CYTH3: variants seen among roughly 807,000 people sequenced by gnomAD.
CYTH3 encodes the protein cytohesin 3.
Under a neutral mutation model 55.1 loss-of-function variants are expected in CYTH3, and 23 were observed. The ratio of observed to expected loss-of-function variants is 0.42; its 90% CI spans 0.30 to 0.59. The LOEUF (loss-of-function observed/expected upper bound fraction) is 0.59, where lower values mean the gene tolerates loss of function less well. Among genes scored for constraint, CYTH3 ranks in the 20% least tolerant of loss-of-function variants. The probability of loss-of-function intolerance (pLI) is 0.20; values close to 1 mark genes in which losing one functional copy is unlikely to be tolerated. For synonymous variants in CYTH3, 249 were observed against 194.9 expected (o/e 1.28, Z -2.31); for missense variants, 413 against 524.8 (o/e 0.79, Z 2.08).
At chr7:6,221,702 G>C (rs367686038) in intron 1 of CYTH3, among the ~76,000 whole-genome samples, 1 of 118,526 alleles carries the variant, frequency 8.4e-6, no homozygotes, top group South Asian at 2.5e-4. Flanking sequence ...TCAAAATGAA[G>C]TTAAAAAAAA....
chr7:6,211,302 G>A (rs112629346), intron 1 of CYTH3, among the ~76,000 whole-genome samples: 2,281 of 152,330 alleles, frequency 0.015, 23 homozygotes, highest in Admixed American at 0.052. Flanking sequence ...CATGGCTGTT[G>A]TATTTCTTTC....
chr7:6,200,357 C>T lies in CYTH3; in HGVS notation c.35-9826G>A, dbSNP rs1418603647. The stretch of plus-strand genomic sequence containing the variant: ...TTCACTCGCAGTCCTATGACTTCTC[C>T]TGGAGAAAGATGGAGTTTCACAGTT... On this transcript the variant is annotated intron_variant, in intron 1 of 12. Transcript: ENST00000350796. Among the ~76,000 whole-genome samples the T allele has an allele frequency of 5.9e-5, 9 of 152,130 alleles. No homozygotes were observed. In the East Asian group the frequency reaches 1.7e-3, roughly 29 times the overall value.
At chr7:6,217,878 G>C (rs1474178325) in intron 1 of CYTH3, among the ~76,000 whole-genome samples, 2 of 151,796 alleles carry the variant, frequency 1.3e-5, no homozygotes, top group Admixed American at 6.6e-5. Flanking sequence ...AAGAATTTTA[G>C]ATTAAAAAAA....
chr7:6,245,847 T>C (rs1270091242), intron 1 of CYTH3, among the ~76,000 whole-genome samples: 1 of 152,194 alleles, frequency 6.6e-6, no homozygotes, highest in Non-Finnish European at 1.5e-5. Context: ...AAGGTTGCAA[T>C]GAGCCGAGAT....
At chr7:6,220,278 T>C (rs565746990) in intron 1 of CYTH3, among the ~76,000 whole-genome samples, 1 of 152,264 alleles carries the variant, frequency 6.6e-6, no homozygotes, top group East Asian at 1.9e-4. Context: ...GCTGCAGCAA[T>C]TGGCTATTCA....
At chr7:6,245,056 TGATCCACCCGCCCCGGCCTTCCAAA>T (rs1463028040) in intron 1 of CYTH3, among the ~76,000 whole-genome samples, 2 of 138,858 alleles carry the variant, frequency 1.4e-5, no homozygotes, top group Non-Finnish European at 3.0e-5. Context: ...CCTGACCTCA[TGATCCACCCGCCCCGGCCTTCCAAA>T]GTGCTGGGAT....
chr7:6,205,819 A>T (rs1353274649), intron 1 of CYTH3, among the ~76,000 whole-genome samples: 1 of 133,696 alleles, frequency 7.5e-6, no homozygotes, highest in Non-Finnish European at 1.6e-5. Flanking sequence ...GGCTGCAGTG[A>T]GCTATGATCG....
chr7:6,183,080 A>C (rs1295546223), intron 4 of CYTH3, among the ~76,000 whole-genome samples: 1 of 152,218 alleles, frequency 6.6e-6, no homozygotes, highest in Non-Finnish European at 1.5e-5. Flanking sequence ...GCTGCCACCC[A>C]CCGAGGACGC....
chr7:6,165,239 A>G (rs759949684), intron 12 of CYTH3, 34 bp downstream of exon 12: 1 of 1,589,296 alleles, frequency 6.3e-7, no homozygotes, highest in Admixed American at 1.8e-5. Flanking sequence ...GCACGAGAAG[A>G]CGGGCCTGGC....
At chr7:6,251,333 T>C (rs1382821006) in intron 1 of CYTH3, among the ~76,000 whole-genome samples, 1 of 151,720 alleles carries the variant, frequency 6.6e-6, no homozygotes, top group Non-Finnish European at 1.5e-5. Flanking sequence ...CTATTCTTTT[T>C]TTTTTTTTTC....
At position 6,171,337 on chromosome 7, in the gene CYTH3, G is replaced by T. The variant is rs1288401074; in HGVS notation, c.450-23C>A. ...TGCCTGTGGAGACACCAAAGCCATG[G>T]GAAGCCGCATCAGAACCAACACCGC... On this transcript the variant is annotated intron_variant, in intron 6 of 12. Transcript: ENST00000350796. The surrounding 1 kb of genome is among the most constrained non-coding windows in gnomAD (Gnocchi z 6.7). 1 of 1,611,662 alleles carries T rather than the reference G, an allele frequency of 6.2e-7. No individual in the cohort carries two copies.
chr7:6,231,026 C>A (rs958483232), intron 1 of CYTH3, among the ~76,000 whole-genome samples: 4 of 152,186 alleles, frequency 2.6e-5, no homozygotes, highest in South Asian at 2.1e-4. Flanking sequence ...CACAGTCACC[C>A]CAGCCACTCG....
chr7:6,232,479 C>G (rs1199477075), intron 1 of CYTH3, among the ~76,000 whole-genome samples: 2 of 152,202 alleles, frequency 1.3e-5, no homozygotes, highest in African/African-American at 4.8e-5. Context: ...CACTTGCCAT[C>G]ACAGAAGCAA....
chr7:6,269,734 T>C (rs1157248975), intron 1 of CYTH3, among the ~76,000 whole-genome samples: 3 of 152,226 alleles, frequency 2.0e-5, no homozygotes, highest in African/African-American at 7.2e-5. Flanking sequence ...TGTAACTGCC[T>C]TCCAGCCATT....
intron 1 of CYTH3, among the ~76,000 whole-genome samples, chr7:6,264,208 T>C (rs185139853): frequency 2.7e-5 from 4 of 149,956 alleles, no homozygotes; most frequent in African/African-American, 4.9e-5. Context: ...GATGGCTCCA[T>C]TGCACTCCAG....
intron 1 of CYTH3, among the ~76,000 whole-genome samples, chr7:6,233,270 ACT>A (rs751824776): frequency 2.1e-4 from 32 of 152,316 alleles, no homozygotes; most frequent in Non-Finnish European, 4.1e-4. Context: ...TCCTCTACAC[ACT>A]GTTTCTCCTA....
At chr7:6,259,131 G>C (rs1451034533) in intron 1 of CYTH3, among the ~76,000 whole-genome samples, 2 of 152,146 alleles carry the variant, frequency 1.3e-5, no homozygotes, top group Non-Finnish European at 2.9e-5. Flanking sequence ...TCATGAAAGT[G>C]AATTATAAAG....
intron 1 of CYTH3, among the ~76,000 whole-genome samples, chr7:6,220,487 A>T (rs1784526457): frequency 6.6e-6 from 1 of 151,836 alleles, no homozygotes; most frequent in Non-Finnish European, 1.5e-5. Flanking sequence ...TAAATTGGAC[A>T]TCAAAATTAA....
At chr7:6,227,119 G>T (rs927785668) in intron 1 of CYTH3, among the ~76,000 whole-genome samples, 1 of 151,326 alleles carries the variant, frequency 6.6e-6, no homozygotes, top group Admixed American at 6.6e-5. Flanking sequence ...GGCACATGGT[G>T]TGCCCGCTCT....
Sources: gnomAD v4.1 joint callset for allele counts (sites outside exome capture counted in the v4.1 genomes callset) on GRCh38, gnomAD v4.1.1 for gene constraint, Gnocchi (gnomAD v3.1) non-coding constraint, MANE v1.5 for transcripts, NCBI Gene and HGNC (gene_info 2026-07-23, HGNC 2026-07-21) for gene names.